CEMIP: variants seen among roughly 807,000 people sequenced by gnomAD.
The protein encoded by CEMIP is cell migration inducing hyaluronidase 1, also known as cell migration-inducing and hyaluronan-binding protein.
In CEMIP, 105 loss-of-function variants were observed where a neutral mutation model predicts 156.9. That is an observed-to-expected ratio of 0.67 (90% CI 0.57 to 0.79). The LOEUF is 0.79. CEMIP is among the 30% of genes least tolerant of loss of function. The pLI is 0.00. For missense variants in CEMIP, 1,457 were observed against 1,769.4 expected, an observed-to-expected ratio of 0.82 and a Z score of 3.17; for synonymous variants, 676 against 668.4, an observed-to-expected ratio of 1.01 and a Z score of -0.17.
chr15:80,797,578 T>C (rs903988340), intron 1 of CEMIP, among the ~76,000 whole-genome samples: 12 of 152,252 alleles, frequency 7.9e-5, no homozygotes, highest in African/African-American at 2.9e-4. Flanking sequence ...GTCAAGTGTC[T>C]TGTCTTAGTC....
rs371167510 is a variant in CEMIP, at chr15:80,834,358, C to T, written c.-175-39180C>T. Among the ~76,000 whole-genome samples the T allele has an allele frequency of 3.9e-5, 6 of 152,230 alleles. 1 individual carries two copies. On this transcript the variant is annotated intron_variant, in intron 1 of 29. Coordinates refer to ENST00000394685, the MANE Select transcript of CEMIP (RefSeq NM_001293298.2). ...TAAAATTGTTAGTCCTTTTTTATTT[C>T]TGTTTTACACATCTTTGCCTGTCCT...
intron 1 of CEMIP, among the ~76,000 whole-genome samples, chr15:80,850,210 G>T (rs1377044339): frequency 6.6e-6 from 1 of 152,138 alleles, no homozygotes; most frequent in Non-Finnish European, 1.5e-5. Context: ...GGAGCTGGCC[G>T]GGGAGTGATT....
intron 10 of CEMIP, among the ~76,000 whole-genome samples, chr15:80,892,889 T>C (rs1011703150): frequency 7.2e-5 from 11 of 152,262 alleles, no homozygotes; most frequent in Admixed American, 3.9e-4. Flanking sequence ...TTTTTTATTA[T>C]TTAAAATTAA....
chr15:80,839,215 G>A (rs535134145), intron 1 of CEMIP, among the ~76,000 whole-genome samples: 79 of 151,688 alleles, frequency 5.2e-4, no homozygotes, highest in African/African-American at 1.8e-3. Context: ...AGCAGGAATC[G>A]CATTCCATAG....
intron 1 of CEMIP, among the ~76,000 whole-genome samples, chr15:80,833,697 C>T (rs1378742383): frequency 7.1e-6 from 1 of 141,268 alleles, no homozygotes; most frequent in Non-Finnish European, 1.5e-5. Context: ...TGGACAGAGT[C>T]TCACTCTGTC....
At chr15:80,793,431 G>T (rs943093457) in intron 1 of CEMIP, among the ~76,000 whole-genome samples, 1 of 152,190 alleles carries the variant, frequency 6.6e-6, no homozygotes, top group African/African-American at 2.4e-5. Context: ...AAGTGAAGGG[G>T]AGTGGTTACC....
intron 1 of CEMIP, among the ~76,000 whole-genome samples, chr15:80,863,993 C>A (rs1212895949): frequency 2.0e-5 from 3 of 152,100 alleles, no homozygotes; most frequent in Non-Finnish European, 4.4e-5. Flanking sequence ...CTTTTGGGAT[C>A]TGTGCTTTGC....
rs746486710 is a variant in CEMIP, at chr15:80,931,959, G to A, written c.2713G>A (p.Ala905Thr). 12 of 1,614,188 alleles carry A rather than the reference G, an allele frequency of 7.4e-6. No individual in the cohort carries two copies. The highest frequency in any genetic ancestry group is 1.3e-5 in the African/African-American group (1 of 75,032). ...GGCCCTGGAGGGCCGGCACACCAGC[G>A]CCCTGGCCTTCCGCCTGAATAATGC... ...FVALEGRHTS[A>T]LAFRLNNAWQ... The change falls in exon 22 of 30, where the codon GCC (alanine) becomes ACC (threonine). Residue 905 changes from alanine (A) to threonine (T), a missense_variant. Physicochemically the swap from Ala to Thr is moderately conservative, Grantham distance 58. Around this residue, in one of 5 missense-constraint regions of CEMIP, gnomAD observed 798 missense variants for 980.1 expected, o/e 0.81. Transcript: ENST00000394685.
At chr15:80,902,062 A>G (rs1245886258) in intron 12 of CEMIP, among the ~76,000 whole-genome samples, 24 of 152,134 alleles carry the variant, frequency 1.6e-4, no homozygotes. Context: ...CACCAGACTC[A>G]CTGAGTCCTG....
chr15:80,809,101 A>G (rs771925143), intron 1 of CEMIP, among the ~76,000 whole-genome samples: 26 of 152,234 alleles, frequency 1.7e-4, no homozygotes, highest in Non-Finnish European at 3.8e-4. Context: ...AATTATATTG[A>G]AAGATTTAAA....
At chr15:80,834,343 A>C (rs763098202) in intron 1 of CEMIP, among the ~76,000 whole-genome samples, 25 of 152,170 alleles carry the variant, frequency 1.6e-4, no homozygotes, top group Non-Finnish European at 3.1e-4. Flanking sequence ...TAAAATTGTT[A>C]GTCCTTTTTT....
Position 80,921,959 on chromosome 15 carries a change from C to T in CEMIP, c.2074-50C>T, listed in dbSNP as rs544810999. ...GCCGCGTGGCCACCTTGCCCAGGAG[C>T]TCTCTGGGGCTGAACGCTGTGGCTT... On this transcript the variant is annotated intron_variant, in intron 16 of 29. Transcript: ENST00000394685. The T allele has an allele frequency of 8.7e-6, 14 of 1,612,528 alleles. No individual in the cohort carries two copies. In the South Asian group the frequency reaches 1.5e-4, roughly 18 times the overall value.
In CEMIP at chr15:80,872,224, A is replaced by G. The variant is rs1596147402; in HGVS notation, c.-175-1314A>G. Among the ~76,000 whole-genome samples the G allele has an allele frequency of 2.0e-5, 3 of 152,186 alleles. No individual in the cohort carries two copies. In the South Asian group the frequency reaches 6.2e-4, roughly 32 times the overall value. The stretch of plus-strand genomic sequence containing the variant: ...TGAGATAGATTTTGGCCCTTTTCTC[A>G]GTGTGGGAGAGTATCTGTTTGTTCC... On this transcript the variant is annotated intron_variant, in intron 1 of 29. Transcript: ENST00000394685.
intron 1 of CEMIP, among the ~76,000 whole-genome samples, chr15:80,845,389 C>A (rs140359340): frequency 1.3e-5 from 2 of 152,146 alleles, no homozygotes; most frequent in African/African-American, 2.4e-5. Context: ...AGTGATCACA[C>A]CACTGCATTC....
intron 1 of CEMIP, among the ~76,000 whole-genome samples, chr15:80,795,025 T>C (rs1896181804): frequency 1.3e-5 from 2 of 150,918 alleles, no homozygotes; most frequent in African/African-American, 4.9e-5. Flanking sequence ...GTAATGAGGA[T>C]GCAAAGAGGC....
chr15:80,852,644 G>A (rs1897742210), intron 1 of CEMIP, among the ~76,000 whole-genome samples: 1 of 151,926 alleles, frequency 6.6e-6, no homozygotes, highest in South Asian at 2.1e-4. Context: ...TTCAAAGAAG[G>A]GTTTATGCCT....
intron 3 of CEMIP, among the ~76,000 whole-genome samples, chr15:80,875,383 AATTT>A (rs1202468918): frequency 6.6e-6 from 1 of 152,042 alleles, no homozygotes; most frequent in East Asian, 1.9e-4. Flanking sequence ...ATATTACCTG[AATTT>A]ATTCATTTGT....
chr15:80,837,720 A>G (rs147595646), intron 1 of CEMIP, among the ~76,000 whole-genome samples: 93 of 152,318 alleles, frequency 6.1e-4, no homozygotes, highest in African/African-American at 2.2e-3. Context: ...GCATCTTTGC[A>G]TTTATTTGGG....
intron 1 of CEMIP, among the ~76,000 whole-genome samples, chr15:80,842,479 C>A (rs8027590): frequency 3.3e-5 from 5 of 152,124 alleles, no homozygotes; most frequent in African/African-American, 1.2e-4. Flanking sequence ...CACCTGTACT[C>A]CCAGAACTTT....
Sources: gnomAD v4.1 joint callset for allele counts (sites outside exome capture counted in the v4.1 genomes callset) on GRCh38, gnomAD v4.1.1 for gene constraint, gnomAD v4.1.1 regional missense constraint, MANE v1.5 for transcripts, NCBI Gene and HGNC (gene_info 2026-07-23, HGNC 2026-07-21) for gene names.